The following MEMO1 variants were observed in gnomAD, a reference collection of about 807,000 sequenced individuals.
MEMO1 encodes the protein protein MEMO1.
In MEMO1, 6 loss-of-function variants were observed where a neutral mutation model predicts 45.2. That is an observed-to-expected ratio of 0.13 (90% CI 0.07 to 0.26). The LOEUF (loss-of-function observed/expected upper bound fraction) is 0.26, where lower values mean the gene tolerates loss of function less well. Among genes scored for constraint, MEMO1 ranks in the 10% least tolerant of loss-of-function variants. MEMO1 has a pLI of 1.00. For synonymous variants in MEMO1, 78 were observed against 124.3 expected, an observed-to-expected ratio of 0.63 and a Z score of 2.48; for missense variants, 184 against 370.5, an observed-to-expected ratio of 0.50 and a Z score of 4.13.
intron 2 of MEMO1, among the ~76,000 whole-genome samples, chr2:31,964,570 G>A (rs1378969940): frequency 1.3e-5 from 2 of 151,944 alleles, no homozygotes; most frequent in African/African-American, 4.8e-5. Flanking sequence ...GTGTGGTGGC[G>A]CATGGCTGTA....
chr2:31,999,420 T>C (rs1672994452), intron 2 of MEMO1, among the ~76,000 whole-genome samples: 1 of 152,118 alleles, frequency 6.6e-6, no homozygotes, highest in African/African-American at 2.4e-5. Flanking sequence ...CCCAGCACTC[T>C]GGGAGGCTGA....
intron 7 of MEMO1, 100 bp downstream of exon 7, chr2:31,891,892 G>A (rs1677039681): frequency 8.0e-7 from 1 of 1,243,522 alleles, no homozygotes; most frequent in Non-Finnish European, 1.1e-6. Context: ...ACTTTCCAAG[G>A]AAAGTGATAA....
intron 2 of MEMO1, among the ~76,000 whole-genome samples, chr2:31,992,352 G>A (rs1672048224): frequency 6.6e-6 from 1 of 152,202 alleles, no homozygotes; most frequent in South Asian, 2.1e-4. Context: ...CAGATCATAT[G>A]GCCCACAAAG....
At chr2:31,891,938 C>A in intron 7 of MEMO1, 54 bp downstream of exon 7, 10 of 1,501,152 alleles carry the variant, frequency 6.7e-6, no homozygotes, top group East Asian at 4.6e-5. Context: ...GAAAAGATAC[C>A]TTTAACCAGA....
intron 2 of MEMO1, among the ~76,000 whole-genome samples, chr2:31,965,394 C>T (rs1279063323): frequency 1.3e-5 from 2 of 151,622 alleles, no homozygotes; most frequent in East Asian, 3.9e-4. Context: ...TGGGAGGCAA[C>T]TATAAAGGGG....
intron 8 of MEMO1, among the ~76,000 whole-genome samples, chr2:31,881,778 G>T (rs1013719988): frequency 1.3e-5 from 2 of 152,058 alleles, no homozygotes; most frequent in African/African-American, 4.8e-5. Flanking sequence ...GAGGCAGGAG[G>T]GTTGCTTGAA....
At chr2:31,983,869 A>C (rs575913197) in intron 2 of MEMO1, among the ~76,000 whole-genome samples, 1 of 152,262 alleles carries the variant, frequency 6.6e-6, no homozygotes, top group Non-Finnish European at 1.5e-5. Flanking sequence ...AGAGTGCTTA[A>C]AAGTCCAAAG....
chr2:31,925,475 C>CAAAAAAAAAAAAAAAA (rs70964741), intron 4 of MEMO1, among the ~76,000 whole-genome samples: 14 of 79,216 alleles, frequency 1.8e-4, no homozygotes, highest in South Asian at 6.7e-4. Flanking sequence ...GACTCCGTCT[C>CAAAAAAAAAAAAAAAA]AAAAAAAAAA....
Position 31,917,420 on chromosome 2 carries a change from T to C in MEMO1, c.437+506A>G, listed in dbSNP as rs113657515. Among the ~76,000 whole-genome samples, 424 of 152,284 alleles carry C rather than the reference T, an allele frequency of 2.8e-3. 2 individuals carry two copies. Among genetic ancestry groups the C allele is most frequent in the African/African-American group, 9.5e-3 (393 of 41,568 alleles). Reference sequence around the variant, plus strand: ...AAAATAGATATTGTCCCTGTCCTCGTTCGGCTCACAGTACAGTGAGTAGCC... The same window carrying C: ...AAAATAGATATTGTCCCTGTCCTCGCTCGGCTCACAGTACAGTGAGTAGCC... On this transcript the variant is annotated intron_variant, in intron 6 of 9. Transcript: ENST00000404530.
intron 2 of MEMO1, among the ~76,000 whole-genome samples, chr2:31,998,658 G>C (rs1672891356): frequency 6.6e-6 from 1 of 152,176 alleles, no homozygotes; most frequent in South Asian, 2.1e-4. Flanking sequence ...AATTCAGCTG[G>C]GCATGGTGGT....
rs562978376 is a variant in MEMO1 at position 31,868,216 on chromosome 2, C to G, written c.*145G>C. 4.4e-6 allele frequency: 3 copies of G among 679,566 alleles called. No homozygotes were observed. Among genetic ancestry groups the G allele is most frequent in the Admixed American group, 4.4e-5 (1 of 22,748 alleles). The allele number at this position is 679,566 out of a possible 1,614,324, so 42.1% of individuals were successfully genotyped here. A position where few individuals can be genotyped will look rare whatever the true frequency, so the allele number is the denominator to read the frequency against. On this transcript the variant is annotated 3_prime_UTR_variant, in exon 10 of 10. Transcript: ENST00000404530. The stretch of plus-strand genomic sequence containing the variant: ...AGTTGAAATTAAGGAAGGACTACAC[C>G]TACTAGAAAAAAAGAGAAGAAAGTT...
At chr2:31,876,279 C>T (rs1674553332) in intron 8 of MEMO1, among the ~76,000 whole-genome samples, 1 of 152,144 alleles carries the variant, frequency 6.6e-6, no homozygotes, top group Non-Finnish European at 1.5e-5. Context: ...CTAAAATGCT[C>T]TTCCCGCTGA....
intron 6 of MEMO1, among the ~76,000 whole-genome samples, chr2:31,896,909 A>C (rs1677914628): frequency 6.6e-6 from 1 of 151,886 alleles, no homozygotes; most frequent in South Asian, 2.1e-4. Flanking sequence ...ATTGCTCAAC[A>C]GTTTGTAGTT....
intron 8 of MEMO1, among the ~76,000 whole-genome samples, chr2:31,876,784 A>T (rs1674630947): frequency 6.6e-6 from 1 of 151,942 alleles, no homozygotes; most frequent in African/African-American, 2.4e-5. Flanking sequence ...CATCCTTGAC[A>T]TTTCCTTGAC....
chr2:31,869,177 A>G (rs1673296530), intron 9 of MEMO1, among the ~76,000 whole-genome samples: 1 of 152,156 alleles, frequency 6.6e-6, no homozygotes, highest in African/African-American at 2.4e-5. Flanking sequence ...ATTCTGGACT[A>G]CATTATCTTC....
At chr2:31,930,180 C>G (rs1683741658) in intron 4 of MEMO1, among the ~76,000 whole-genome samples, 1 of 152,150 alleles carries the variant, frequency 6.6e-6, no homozygotes, top group South Asian at 2.1e-4. Context: ...GGAGAACTGA[C>G]TGAACCTGGG....
rs1219566317 is a variant in MEMO1 at position 31,888,081 on chromosome 2, A to C, written c.580+3911T>G. The stretch of plus-strand genomic sequence containing the variant: ...TACAGTAAACTTCTCATATTTAAAA[A>C]AATATATGTCATAAATATTCACCAA... On this transcript the variant is annotated intron_variant, in intron 7 of 9. Coordinates refer to ENST00000404530, the MANE Select transcript of MEMO1 (RefSeq NM_001301833.4). 2.6e-5 allele frequency among the ~76,000 whole-genome samples: 4 copies of C among 152,290 alleles called. No individual in the cohort carries two copies. In the East Asian group the frequency reaches 7.7e-4, roughly 29 times the overall value.
rs7583370 is a variant in MEMO1 at position 31,954,510 on chromosome 2, C to T, written c.62-11127G>A. ...CCTATAATAGTCAAAAAGTAGTCTA[C>T]AGACCAGAATCACGTAATGTGTTTA... On this transcript the variant is annotated intron_variant, in intron 2 of 9. Coordinates refer to ENST00000404530, the MANE Select transcript of MEMO1 (RefSeq NM_001301833.4). 7.1e-3 allele frequency among the ~76,000 whole-genome samples: 1,076 copies of T among 152,070 alleles called. 17 individuals are homozygous for T. Among genetic ancestry groups the T allele is most frequent in the African/African-American group, 0.024 (1,010 of 41,494 alleles).
chr2:32,009,949 C>A (rs1674624336), intron 2 of MEMO1, among the ~76,000 whole-genome samples: 2 of 151,466 alleles, frequency 1.3e-5, no homozygotes, highest in South Asian at 4.1e-4. Context: ...CGCCCAACTC[C>A]GGAGAGCGTG....
Sources: gnomAD v4.1 joint callset for allele counts (sites outside exome capture counted in the v4.1 genomes callset) on GRCh38, gnomAD v4.1.1 for gene constraint, MANE v1.5 for transcripts, NCBI Gene and HGNC (gene_info 2026-07-23, HGNC 2026-07-21) for gene names.